The following PLA1A variants were observed in gnomAD, a reference collection of about 807,000 sequenced individuals.
PLA1A encodes the protein phospholipase A1 member A.
A neutral mutation model predicts 49.4 loss-of-function variants in PLA1A; 47 were observed. The ratio of observed to expected loss-of-function variants is 0.95; its 90% CI spans 0.75 to 1.21. The LOEUF is 1.21. PLA1A is among the 50% of genes most tolerant of loss of function. The pLI is 0.00. For missense variants in PLA1A, 561 were observed against 563.9 expected (o/e 0.99, Z 0.05); for synonymous variants, 224 against 207.9 (o/e 1.08, Z -0.67).
At chr3:119,624,088 A>G (rs974937171) in intron 8 of PLA1A, among the ~76,000 whole-genome samples, 1 of 152,164 alleles carries the variant, frequency 6.6e-6, no homozygotes, top group Non-Finnish European at 1.5e-5. Context: ...AGTACCTGAG[A>G]CTGGGTAACT....
chr3:119,607,026 C>T, intron 2 of PLA1A, 51 bp downstream of exon 2: 1 of 1,404,048 alleles, frequency 7.1e-7, no homozygotes, highest in Non-Finnish European at 1.0e-6. Context: ...GATCAAGTAA[C>T]CATAATACCA....
chr3:119,617,570 C>T lies in PLA1A; in HGVS notation c.755-449C>T, dbSNP rs757585320. On this transcript the variant is annotated intron_variant, in intron 6 of 10. Coordinates refer to ENST00000273371, the MANE Select transcript of PLA1A (RefSeq NM_015900.4). Reference sequence around the variant, plus strand: ...CCAGCCTGGCCAATATGGCAAAACCCTGTTTCTATGAAAAATACAAAAATT... The same window carrying T: ...CCAGCCTGGCCAATATGGCAAAACCTTGTTTCTATGAAAAATACAAAAATT... Among the ~76,000 whole-genome samples, 7 of 151,974 alleles carry T rather than the reference C, an allele frequency of 4.6e-5. No individual in the cohort carries two copies. The South Asian group carries it at 6.3e-4, about 14-fold the overall frequency.
chr3:119,624,839 C>T (rs1281823593), intron 8 of PLA1A, among the ~76,000 whole-genome samples: 1 of 152,178 alleles, frequency 6.6e-6, no homozygotes, highest in Non-Finnish European at 1.5e-5. Flanking sequence ...CCATGTTGGT[C>T]AGACTGGTCT....
intron 4 of PLA1A, among the ~76,000 whole-genome samples, chr3:119,610,018 C>T (rs2082744410): frequency 6.6e-6 from 1 of 152,166 alleles, no homozygotes; most frequent in Non-Finnish European, 1.5e-5. Context: ...TTGTTCCCAT[C>T]TTTGTGTCCA....
chr3:119,615,270 G>A (rs1309008209), intron 5 of PLA1A, among the ~76,000 whole-genome samples: 2 of 152,210 alleles, frequency 1.3e-5, no homozygotes, highest in African/African-American at 4.8e-5. Flanking sequence ...AAAGAGGGCA[G>A]AGGATGCTCT....
At chr3:119,612,401 G>T (rs1365227455) in intron 4 of PLA1A, among the ~76,000 whole-genome samples, 1 of 152,186 alleles carries the variant, frequency 6.6e-6, no homozygotes, top group East Asian at 1.9e-4. Flanking sequence ...GTAACTGCTC[G>T]AAGAAATTTA....
At chr3:119,618,676 C>G (rs990802013) in intron 7 of PLA1A, among the ~76,000 whole-genome samples, 2 of 152,160 alleles carry the variant, frequency 1.3e-5, no homozygotes, top group Non-Finnish European at 2.9e-5. Flanking sequence ...CCAGGCCAGT[C>G]TGGGGAAAGG....
chr3:119,614,713 C>G (rs1274186576), intron 5 of PLA1A, among the ~76,000 whole-genome samples: 1 of 151,392 alleles, frequency 6.6e-6, no homozygotes, highest in Non-Finnish European at 1.5e-5. Context: ...CAGGCCCCTT[C>G]AAAGTTGGAG....
Position 119,613,114 on chromosome 3 carries a change from CGACAGT to C in PLA1A, c.663_664+4del. 1 of 1,599,948 alleles carries C rather than the reference CGACAGT, an allele frequency of 6.3e-7. No homozygotes were observed. Among genetic ancestry groups the C allele is most frequent in the Non-Finnish European group, 8.5e-7 (1 of 1,170,958 alleles). On this transcript the variant is annotated splice_donor_variant and coding_sequence_variant, in exon 5 of 11. Transcript: ENST00000273371. LOFTEE classifies it high-confidence loss of function. ...TCGTGGAAGCCATCCACACAGACAC[CGACAGT>C]GAGCTGGGGTGACCTTCCTGGGATG...
chr3:119,614,467 G>C (rs1241921692), intron 5 of PLA1A, among the ~76,000 whole-genome samples: 1 of 151,988 alleles, frequency 6.6e-6, no homozygotes, highest in Admixed American at 6.5e-5. Flanking sequence ...TTAGTGAGGC[G>C]TGGTGGTAGG....
At chr3:119,599,041 C>T (rs532754127) in intron 1 of PLA1A, among the ~76,000 whole-genome samples, 3 of 152,206 alleles carry the variant, frequency 2.0e-5, no homozygotes, top group South Asian at 4.2e-4. Context: ...GAGCAGATGT[C>T]CAGTGAATAT....
intron 9 of PLA1A, among the ~76,000 whole-genome samples, chr3:119,627,454 TA>T (rs200911194): frequency 2.5e-3 from 384 of 152,236 alleles, no homozygotes; most frequent in African/African-American, 8.8e-3. Context: ...CTTGTGAATT[TA>T]AAAAAAGAGG....
rs1369314297 is a variant in PLA1A, at chr3:119,616,915, T to A, written c.754+814T>A. 5.9e-5 allele frequency among the ~76,000 whole-genome samples: 9 copies of A among 152,104 alleles called. No individual in the cohort carries two copies. The East Asian group carries it at 1.7e-3, about 29-fold the overall frequency. ...TCTTCATAACACAACTTGAGAAGGG[T>A]TTAGTTTGTCTCTGCCCCAGCTCCC... On this transcript the variant is annotated intron_variant, in intron 6 of 10. Coordinates refer to ENST00000273371, the MANE Select transcript of PLA1A (RefSeq NM_015900.4).
chr3:119,608,296 G>T (rs933122904), intron 2 of PLA1A, among the ~76,000 whole-genome samples: 6 of 145,162 alleles, frequency 4.1e-5, no homozygotes, highest in African/African-American at 1.5e-4. Flanking sequence ...AAGAAAGAAA[G>T]AAAAAGAAAA....
chr3:119,601,543 G>A (rs1443143853), intron 1 of PLA1A, among the ~76,000 whole-genome samples: 1 of 152,200 alleles, frequency 6.6e-6, no homozygotes, highest in Admixed American at 6.5e-5. Context: ...GGTCAGCCTG[G>A]CCAGATACTC....
intron 5 of PLA1A, among the ~76,000 whole-genome samples, chr3:119,614,751 AAAC>A (rs1355803966): frequency 1.3e-5 from 2 of 151,992 alleles, no homozygotes; most frequent in Non-Finnish European, 2.9e-5. Flanking sequence ...TTAAAAAAAA[AAAC>A]ATTCTATTTA....
intron 8 of PLA1A, 107 bp downstream of exon 8, chr3:119,619,759 A>C: frequency 1.2e-6 from 1 of 801,986 alleles, no homozygotes; most frequent in South Asian, 1.4e-5. Flanking sequence ...CAAAGGCATC[A>C]CCGGAGGTGT....
intron 5 of PLA1A, 72 bp from the exon 6 acceptor site, chr3:119,615,940 G>A (rs2107790838): frequency 2.1e-6 from 2 of 937,076 alleles, no homozygotes; most frequent in South Asian, 2.8e-5. Context: ...GGCTCCCAAG[G>A]TCAGAGTTTG....
chr3:119,606,665 C>T (rs961662126), intron 1 of PLA1A, 109 bp from the exon 2 acceptor site: 17 of 721,280 alleles, frequency 2.4e-5, no homozygotes, highest in Non-Finnish European at 3.4e-5. Context: ...TAATAAACCC[C>T]ATGCCTGCAG....
Sources: allele counts gnomAD v4.1 joint callset (sites outside exome capture counted in the v4.1 genomes callset), GRCh38; gene constraint gnomAD v4.1.1; transcripts MANE v1.5; gene names NCBI Gene and HGNC (gene_info 2026-07-23, HGNC 2026-07-21).